Variants in KCNK1 observed in about 807,000 individuals in gnomAD.
KCNK1 encodes potassium channel subfamily K member 1.
In KCNK1, 10 loss-of-function variants were observed where a neutral mutation model predicts 22.2. That is an observed-to-expected ratio of 0.45 (90% confidence interval 0.28 to 0.76). The LOEUF is 0.76. Among genes scored for constraint, KCNK1 ranks in the 30% least tolerant of loss-of-function variants. The probability of loss-of-function intolerance (pLI) is 0.14; values close to 1 mark genes in which losing one functional copy is unlikely to be tolerated. For synonymous variants in KCNK1, 200 were observed against 186.4 expected, an observed-to-expected ratio of 1.07 and a Z score of -0.60; for missense variants, 378 against 421.0, an observed-to-expected ratio of 0.90 and a Z score of 0.89.
At chr1:233,622,269 A>G (rs1657601909) in intron 1 of KCNK1, among the ~76,000 whole-genome samples, 1 of 152,200 alleles carries the variant, frequency 6.6e-6, no homozygotes, top group Non-Finnish European at 1.5e-5. Flanking sequence ...AGGGACAGAA[A>G]TCTCATCTGC....
At chr1:233,633,776 C>G (rs909950323) in intron 1 of KCNK1, among the ~76,000 whole-genome samples, 1 of 151,956 alleles carries the variant, frequency 6.6e-6, no homozygotes, top group Non-Finnish European at 1.5e-5. Flanking sequence ...GGAAGAGATA[C>G]AAACAGCCCA....
intron 1 of KCNK1, among the ~76,000 whole-genome samples, chr1:233,629,078 A>T (rs575341989): frequency 6.6e-6 from 1 of 152,336 alleles, no homozygotes; most frequent in East Asian, 1.9e-4. Flanking sequence ...TACTGAGTAC[A>T]TCCCAACATG....
At chr1:233,645,184 A>G (rs1474491249) in intron 1 of KCNK1, among the ~76,000 whole-genome samples, 1 of 150,104 alleles carries the variant, frequency 6.7e-6, no homozygotes, top group Admixed American at 6.6e-5. Flanking sequence ...ACAGAGTGAG[A>G]CTTTGTCTCA....
chr1:233,616,605 G>A (rs1039542526), intron 1 of KCNK1, among the ~76,000 whole-genome samples: 1 of 152,140 alleles, frequency 6.6e-6, no homozygotes, highest in Admixed American at 6.5e-5. Context: ...TGAAAAAGGT[G>A]CCTCTTGGTT....
intron 1 of KCNK1, among the ~76,000 whole-genome samples, chr1:233,656,869 C>T (rs1388491246): frequency 1.3e-5 from 2 of 152,210 alleles, no homozygotes; most frequent in African/African-American, 4.8e-5. Flanking sequence ...CCTCTCACCT[C>T]AGTCTCCCAA....
rs954531874 is a variant in KCNK1, at chr1:233,649,089, A to G, written c.356-17506A>G. The stretch of plus-strand genomic sequence containing the variant: ...TTTGCTAGGAGAAAGTCCTGTCAGC[A>G]TAGTCAAACACTTAGGAGGAGTAAA... On this transcript the variant is annotated intron_variant, in intron 1 of 2. Coordinates refer to ENST00000366621, the MANE Select transcript of KCNK1 (RefSeq NM_002245.4). 2.0e-5 allele frequency among the ~76,000 whole-genome samples: 3 copies of G among 152,220 alleles called. No homozygotes were observed. In the East Asian group the frequency reaches 5.8e-4, roughly 29 times the overall value.
chr1:233,657,419 C>A (rs141075446), intron 1 of KCNK1, among the ~76,000 whole-genome samples: 324 of 152,226 alleles, frequency 2.1e-3, no homozygotes, highest in African/African-American at 7.3e-3. Flanking sequence ...GGGTCATGTT[C>A]CTGTGCTACC....
At chr1:233,646,754 A>G (rs900795905) in intron 1 of KCNK1, among the ~76,000 whole-genome samples, 2 of 152,106 alleles carry the variant, frequency 1.3e-5, no homozygotes, top group East Asian at 3.9e-4. Context: ...AAGCCAGAGG[A>G]AGAAAGTGTT....
chr1:233,655,955 CTT>C (rs1368866677), intron 1 of KCNK1, among the ~76,000 whole-genome samples: 1 of 151,542 alleles, frequency 6.6e-6, no homozygotes, highest in African/African-American at 2.4e-5. Context: ...AGCTCTTTAA[CTT>C]ATGCTTGGTG....
intron 1 of KCNK1, among the ~76,000 whole-genome samples, chr1:233,627,658 C>T (rs1193910526): frequency 2.0e-5 from 3 of 152,200 alleles, no homozygotes; most frequent in Admixed American, 6.5e-5. Context: ...TTCGCACCCC[C>T]AGACAGCAGG....
chr1:233,651,559 A>C (rs1658202185), intron 1 of KCNK1, among the ~76,000 whole-genome samples: 1 of 152,232 alleles, frequency 6.6e-6, no homozygotes, highest in African/African-American at 2.4e-5. Context: ...AATGGTAAAG[A>C]AAGTGAGAGG....
rs77387301 is a variant in KCNK1, at chr1:233,654,900, G to C, written c.356-11695G>C. Reference sequence around the variant, plus strand: ...AATTGGGGCTGCCACCTCCATCACAGCTCCAATGTGCAAAAGCTTGAGCAG... The same window carrying C: ...AATTGGGGCTGCCACCTCCATCACACCTCCAATGTGCAAAAGCTTGAGCAG... On this transcript the variant is annotated intron_variant, in intron 1 of 2. Transcript: ENST00000366621. Among the ~76,000 whole-genome samples, 688 of 152,342 alleles carry C rather than the reference G, an allele frequency of 4.5e-3. 3 individuals are homozygous for C. Among genetic ancestry groups the C allele is most frequent in the African/African-American group, 9.1e-3 (380 of 41,588 alleles).
At position 233,666,965 on chromosome 1, in the gene KCNK1, A is replaced by G; in HGVS notation, c.726A>G (p.Arg242=). ...GGGAAGGCTACAATCAAAAATTCAG[A>G]GAGCTCTATAAGATTGGGATCACGT... ...VPGEGYNQKF[R]ELYKIGITCY... Residue 242 remains arginine (R), a synonymous_variant, in exon 2 of 3, where the codon AGA becomes AGG. Transcript: ENST00000366621. The G allele has an allele frequency of 1.2e-6, 2 of 1,612,776 alleles. No individual in the cohort carries two copies. Among genetic ancestry groups the G allele is most frequent in the Non-Finnish European group, 1.7e-6 (2 of 1,179,462 alleles).
chr1:233,640,545 G>T lies in KCNK1; in HGVS notation c.355+26019G>T, dbSNP rs574954163. ...AATTGACTTCAAAAGTCATTTTCAT[G>T]TGAACTGATTTCCCTGTGATGGAAC... is the stretch of plus-strand genomic sequence containing the variant. On this transcript the variant is annotated intron_variant, in intron 1 of 2. Coordinates refer to ENST00000366621, the MANE Select transcript of KCNK1 (RefSeq NM_002245.4). 3.9e-5 allele frequency among the ~76,000 whole-genome samples: 6 copies of T among 152,326 alleles called. No homozygotes were observed. In the South Asian group the frequency reaches 1.2e-3, roughly 32 times the overall value.
intron 1 of KCNK1, among the ~76,000 whole-genome samples, chr1:233,631,924 C>T (rs897206803): frequency 5.9e-5 from 9 of 152,226 alleles, no homozygotes; most frequent in Middle Eastern, 6.8e-3. Context: ...CTCTTTGGCT[C>T]GAACAGAGGG....
chr1:233,664,164 A>G (rs931924056), intron 1 of KCNK1, among the ~76,000 whole-genome samples: 12 of 151,930 alleles, frequency 7.9e-5, no homozygotes, highest in Admixed American at 3.9e-4. Context: ...ATAAAGTTCC[A>G]TTTTTCAGAT....
intron 1 of KCNK1, among the ~76,000 whole-genome samples, chr1:233,620,349 T>TG (rs1369235359): frequency 1.3e-5 from 2 of 152,356 alleles, no homozygotes; most frequent in African/African-American, 4.8e-5. Context: ...CACTTTCTTC[T>TG]GGGAAACTTT....
intron 1 of KCNK1, among the ~76,000 whole-genome samples, chr1:233,654,709 T>C (rs1161805352): frequency 2.6e-5 from 4 of 152,136 alleles, no homozygotes; most frequent in African/African-American, 9.7e-5. Flanking sequence ...ACCCAGGAGT[T>C]TGAGACTTGT....
At chr1:233,641,598 C>T (rs2102895492) in intron 1 of KCNK1, among the ~76,000 whole-genome samples, 1 of 152,198 alleles carries the variant, frequency 6.6e-6, no homozygotes, top group East Asian at 1.9e-4. Flanking sequence ...CGGCAGGGTC[C>T]TGTTGGCACT....
Sources: allele counts gnomAD v4.1 joint callset (sites outside exome capture counted in the v4.1 genomes callset), GRCh38; gene constraint gnomAD v4.1.1; transcripts MANE v1.5; gene names NCBI Gene and HGNC (gene_info 2026-07-23, HGNC 2026-07-21).